The following SLC24A2 variants were observed in gnomAD, a reference collection of about 807,000 sequenced individuals.
SLC24A2 encodes the protein solute carrier family 24 member 2.
In SLC24A2, 36 loss-of-function variants were observed where a neutral mutation model predicts 62.0. The ratio of observed to expected loss-of-function variants is 0.58; its 90% CI spans 0.44 to 0.77. The LOEUF is 0.77. SLC24A2 is among the 30% of genes least tolerant of loss of function. SLC24A2 has a pLI of 0.00. For synonymous variants in SLC24A2, 358 were observed against 294.0 expected (o/e 1.22, Z -2.23); for missense variants, 846 against 817.9 (o/e 1.03, Z -0.42).
chr9:19,682,510 A>C (rs1232005395), intron 2 of SLC24A2, among the ~76,000 whole-genome samples: 1 of 152,138 alleles, frequency 6.6e-6, no homozygotes, highest in African/African-American at 2.4e-5. Flanking sequence ...TCAACACCAA[A>C]CCACAGAAGT....
At chr9:19,838,782 A>C in the SLC24A2 span, among the ~76,000 whole-genome samples, 2 of 151,906 alleles carry the variant, frequency 1.3e-5, no homozygotes, top group African/African-American at 4.8e-5. Context: ...AAAAAAAAAA[A>C]AACCCTAGAA....
the SLC24A2 span, among the ~76,000 whole-genome samples, chr9:20,277,674 T>C: frequency 6.6e-6 from 1 of 152,310 alleles, no homozygotes; most frequent in African/African-American, 2.4e-5. Flanking sequence ...TGGAAGACAG[T>C]GTGGCGATTC....
At chr9:19,999,802 C>T in the SLC24A2 span, among the ~76,000 whole-genome samples, 4 of 152,228 alleles carry the variant, frequency 2.6e-5, no homozygotes, top group East Asian at 7.7e-4. Flanking sequence ...ATCAGGGGGA[C>T]CCAGGAGGCA....
chr9:20,110,147 T>G, the SLC24A2 span, among the ~76,000 whole-genome samples: 3 of 152,148 alleles, frequency 2.0e-5, no homozygotes, highest in East Asian at 5.8e-4. Flanking sequence ...GGAAGAAATT[T>G]AAGGCTTCAA....
chr9:20,122,183 T>C, the SLC24A2 span, among the ~76,000 whole-genome samples: 1 of 152,196 alleles, frequency 6.6e-6, no homozygotes, highest in Non-Finnish European at 1.5e-5. Context: ...AGCAGAGCAT[T>C]TAACCAAGCA....
the SLC24A2 span, among the ~76,000 whole-genome samples, chr9:19,824,263 C>A: frequency 1.3e-5 from 2 of 151,920 alleles, no homozygotes; most frequent in African/African-American, 4.8e-5. Context: ...AAAATTGTTG[C>A]AATCTATCCA....
chr9:19,846,073 A>C, the SLC24A2 span, among the ~76,000 whole-genome samples: 1 of 151,926 alleles, frequency 6.6e-6, no homozygotes, highest in Non-Finnish European at 1.5e-5. Flanking sequence ...TTTGTGTTTG[A>C]TAGGTGGAGT....
At chr9:19,844,650 C>T in the SLC24A2 span, among the ~76,000 whole-genome samples, 14 of 151,616 alleles carry the variant, frequency 9.2e-5, no homozygotes, top group African/African-American at 1.7e-4. Context: ...TATATTTTGA[C>T]GTCTTACATT....
chr9:19,916,572 T>G, the SLC24A2 span, among the ~76,000 whole-genome samples: 562 of 152,156 alleles, frequency 3.7e-3, 4 homozygotes, highest in African/African-American at 0.013. Flanking sequence ...AGTAAATAAA[T>G]AATACACATT....
At chr9:19,780,936 G>GA (rs1822999630) in intron 2 of SLC24A2, among the ~76,000 whole-genome samples, 2 of 137,666 alleles carry the variant, frequency 1.5e-5, no homozygotes, top group East Asian at 2.1e-4. Context: ...AAGAGAGTTA[G>GA]AAAAAAAATT....
chr9:19,536,006 T>A (rs1833953923), intron 8 of SLC24A2, among the ~76,000 whole-genome samples: 1 of 152,042 alleles, frequency 6.6e-6, no homozygotes, highest in Non-Finnish European at 1.5e-5. Context: ...TTGTGTCCTC[T>A]CTTATTTCCT....
At chr9:20,269,366 T>C in the SLC24A2 span, among the ~76,000 whole-genome samples, 1 of 152,198 alleles carries the variant, frequency 6.6e-6, no homozygotes, top group Non-Finnish European at 1.5e-5. Flanking sequence ...TACTATACCA[T>C]GGGTTTGAAT....
intron 2 of SLC24A2, among the ~76,000 whole-genome samples, chr9:19,779,132 A>T (rs990769447): frequency 6.6e-6 from 1 of 152,236 alleles, no homozygotes; most frequent in African/African-American, 2.4e-5. Flanking sequence ...AACCATGAAC[A>T]GTGAAAACAC....
chr9:20,101,483 T>C, the SLC24A2 span, among the ~76,000 whole-genome samples: 8 of 152,250 alleles, frequency 5.3e-5, no homozygotes, highest in Non-Finnish European at 1.0e-4. Context: ...GCCTCCTTAG[T>C]TAAGAAATAT....
the SLC24A2 span, among the ~76,000 whole-genome samples, chr9:20,006,419 G>A: frequency 1.8e-4 from 28 of 151,846 alleles, no homozygotes; most frequent in Admixed American, 7.2e-4. Context: ...ACAACAAGAT[G>A]ACTACAGTCA....
intron 2 of SLC24A2, among the ~76,000 whole-genome samples, chr9:19,729,290 C>T (rs1013940616): frequency 2.0e-5 from 3 of 152,088 alleles, no homozygotes; most frequent in Non-Finnish European, 4.4e-5. Context: ...CCAGTACGGC[C>T]GCTATGGAAA....
chr9:19,998,936 A>G, the SLC24A2 span, among the ~76,000 whole-genome samples: 1 of 152,216 alleles, frequency 6.6e-6, no homozygotes, highest in African/African-American at 2.4e-5. Flanking sequence ...GAAGAATCAG[A>G]CCAGCAGAAG....
chr9:20,254,241 A>G, the SLC24A2 span, among the ~76,000 whole-genome samples: 6 of 152,288 alleles, frequency 3.9e-5, no homozygotes, highest in Admixed American at 2.6e-4. Flanking sequence ...CTCTGGCTCT[A>G]TTATGCCTCT....
At chr9:19,615,076 C>A (rs1215872606) in intron 4 of SLC24A2, among the ~76,000 whole-genome samples, 1 of 152,182 alleles carries the variant, frequency 6.6e-6, no homozygotes, top group Non-Finnish European at 1.5e-5. Context: ...GTGACTCAGG[C>A]TCAGAGGCGG....
Sources: allele counts gnomAD v4.1 joint callset (sites outside exome capture counted in the v4.1 genomes callset), GRCh38; gene constraint gnomAD v4.1.1; transcripts MANE v1.5; gene names NCBI Gene and HGNC (gene_info 2026-07-23, HGNC 2026-07-21).